SLC24A2: variants seen among roughly 807,000 people sequenced by gnomAD.
The protein encoded by SLC24A2 is solute carrier family 24 member 2.
Under a neutral mutation model 62.0 loss-of-function variants are expected in SLC24A2, and 36 were observed. That is an observed-to-expected ratio of 0.58 (90% CI 0.44 to 0.77). SLC24A2 has a LOEUF of 0.77. Ranked by LOEUF, SLC24A2 falls within the 30% of genes least tolerant of loss-of-function variation. SLC24A2 has a pLI of 0.00. For missense variants in SLC24A2, 846 were observed against 817.9 expected (o/e 1.03, Z -0.42); for synonymous variants, 358 against 294.0 (o/e 1.22, Z -2.23).
chr9:20,274,009 T>G, the SLC24A2 span, among the ~76,000 whole-genome samples: 3 of 152,188 alleles, frequency 2.0e-5, no homozygotes, highest in South Asian at 6.2e-4. Flanking sequence ...AGATATGACT[T>G]TTTCTCCCCT....
At chr9:19,935,409 C>A in the SLC24A2 span, among the ~76,000 whole-genome samples, 27 of 151,624 alleles carry the variant, frequency 1.8e-4, no homozygotes, top group Non-Finnish European at 3.8e-4. Context: ...ACAAACAAAA[C>A]AAAAAAAACC....
intron 2 of SLC24A2, among the ~76,000 whole-genome samples, chr9:19,729,587 G>T (rs1176243967): frequency 2.0e-5 from 3 of 152,126 alleles, no homozygotes; most frequent in Non-Finnish European, 4.4e-5. Flanking sequence ...GGAACTTGAG[G>T]ATAAGTGAAA....
At chr9:19,852,761 A>C in the SLC24A2 span, among the ~76,000 whole-genome samples, 1 of 152,126 alleles carries the variant, frequency 6.6e-6, no homozygotes, top group Non-Finnish European at 1.5e-5. Context: ...TGATGTCTCC[A>C]GCTTTGTTAT....
the SLC24A2 span, among the ~76,000 whole-genome samples, chr9:20,276,491 G>A: frequency 6.6e-6 from 1 of 152,316 alleles, no homozygotes; most frequent in South Asian, 2.1e-4. Flanking sequence ...TGCTTTCATG[G>A]GCTGGCATTG....
At chr9:20,283,795 C>A in the SLC24A2 span, among the ~76,000 whole-genome samples, 2 of 151,550 alleles carry the variant, frequency 1.3e-5, no homozygotes, top group East Asian at 3.9e-4. Flanking sequence ...TTTATAGGCT[C>A]GCCTCTTTCC....
chr9:19,928,156 G>C, the SLC24A2 span: 2 of 152,402 alleles, frequency 1.3e-5, no homozygotes, highest in African/African-American at 4.8e-5. Flanking sequence ...GGCCTGGCCA[G>C]GTTTTCCTCT....
intron 2 of SLC24A2, among the ~76,000 whole-genome samples, chr9:19,657,841 C>T (rs1818985536): frequency 2.0e-5 from 3 of 152,146 alleles, no homozygotes; most frequent in Middle Eastern, 3.2e-3. Context: ...AATTCTCCCA[C>T]TTTATCCTCC....
the SLC24A2 span, among the ~76,000 whole-genome samples, chr9:20,028,862 C>T: frequency 6.6e-6 from 1 of 152,214 alleles, no homozygotes; most frequent in Non-Finnish European, 1.5e-5. Flanking sequence ...TTTAAACAAC[C>T]TGGCAGTACT....
At chr9:19,554,553 G>C (rs1215184261) in intron 7 of SLC24A2, among the ~76,000 whole-genome samples, 11 of 152,194 alleles carry the variant, frequency 7.2e-5, no homozygotes, top group Non-Finnish European at 1.0e-4. Context: ...CAAATGGAAA[G>C]CTTGCTTTTA....
chr9:20,125,190 T>A, the SLC24A2 span, among the ~76,000 whole-genome samples: 1 of 152,310 alleles, frequency 6.6e-6, no homozygotes, highest in East Asian at 1.9e-4. Context: ...TATGTCCTCA[T>A]GGAACTTACT....
At chr9:19,816,674 C>T in the SLC24A2 span, among the ~76,000 whole-genome samples, 2 of 152,086 alleles carry the variant, frequency 1.3e-5, no homozygotes, top group African/African-American at 4.8e-5. Context: ...ACAATCATGG[C>T]AGAAGATGAA....
intron 2 of SLC24A2, among the ~76,000 whole-genome samples, chr9:19,654,962 AG>A (rs1279065016): frequency 6.6e-6 from 1 of 152,214 alleles, no homozygotes; most frequent in Non-Finnish European, 1.5e-5. Flanking sequence ...AGCTCAAAAA[AG>A]CCACTTTCCT....
the SLC24A2 span, among the ~76,000 whole-genome samples, chr9:20,050,505 TGGA>T: frequency 1.3e-5 from 2 of 152,176 alleles, no homozygotes; most frequent in Non-Finnish European, 2.9e-5. Flanking sequence ...TTCAATATGG[TGGA>T]GGTTAGAAAA....
chr9:19,754,102 A>G (rs552531303), intron 2 of SLC24A2, among the ~76,000 whole-genome samples: 18 of 152,338 alleles, frequency 1.2e-4, no homozygotes, highest in Middle Eastern at 3.4e-3. Context: ...ATGAAGGTAA[A>G]AAAGCTTACT....
At chr9:19,684,962 C>T (rs1354602798) in intron 2 of SLC24A2, among the ~76,000 whole-genome samples, 2 of 152,060 alleles carry the variant, frequency 1.3e-5, no homozygotes, top group Non-Finnish European at 2.9e-5. Flanking sequence ...CACCCTCTCT[C>T]CAAAAGTTCC....
the SLC24A2 span, among the ~76,000 whole-genome samples, chr9:20,108,075 A>G: frequency 0.99 from 150,184 of 152,326 alleles, 74,057 homozygotes; most frequent in South Asian, 1. Context: ...AGACATTTAT[A>G]CAGCCAAAAA....
intron 2 of SLC24A2, among the ~76,000 whole-genome samples, chr9:19,725,308 T>C (rs1014448814): frequency 6.6e-6 from 1 of 152,198 alleles, no homozygotes; most frequent in Non-Finnish European, 1.5e-5. Context: ...TAATTTTATA[T>C]TGCACGTTAT....
At chr9:19,572,541 G>C (rs892821000) in intron 7 of SLC24A2, among the ~76,000 whole-genome samples, 1 of 151,944 alleles carries the variant, frequency 6.6e-6, no homozygotes, top group Non-Finnish European at 1.5e-5. Flanking sequence ...TTTCTTTCCT[G>C]CTCTGCCATG....
chr9:20,291,718 G>C, the SLC24A2 span, among the ~76,000 whole-genome samples: 19 of 152,206 alleles, frequency 1.2e-4, no homozygotes, highest in African/African-American at 4.3e-4. Context: ...ATATATTATA[G>C]AGGATCTTGA....
Sources: gnomAD v4.1 joint callset for allele counts (sites outside exome capture counted in the v4.1 genomes callset) on GRCh38, gnomAD v4.1.1 for gene constraint, MANE v1.5 for transcripts, NCBI Gene and HGNC (gene_info 2026-07-23, HGNC 2026-07-21) for gene names.